ATP2B2: variants seen among roughly 807,000 people sequenced by gnomAD.
The protein encoded by ATP2B2 is ATPase plasma membrane Ca2+ transporting 2.
In ATP2B2, 15 loss-of-function variants were observed where a neutral mutation model predicts 120.0. The observed-to-expected ratio is 0.12, with a 90% confidence interval of 0.08 to 0.19. The LOEUF (loss-of-function observed/expected upper bound fraction) is 0.19. ATP2B2 is among the 10% of genes least tolerant of loss of function. ATP2B2 has a pLI of 1.00. For synonymous variants in ATP2B2, 694 were observed against 700.3 expected (o/e 0.99, Z 0.14); for missense variants, 1,045 against 1,719.8 (o/e 0.61, Z 6.94).
intron 2 of ATP2B2, among the ~76,000 whole-genome samples, chr3:10,548,364 C>T (rs2067595770): frequency 6.6e-6 from 1 of 152,242 alleles, no homozygotes; most frequent in African/African-American, 2.4e-5. Flanking sequence ...ATACCACACA[C>T]AGCATCTGCC....
intron 1 of ATP2B2, among the ~76,000 whole-genome samples, chr3:10,650,759 G>C (rs1355106200): frequency 6.6e-6 from 1 of 152,162 alleles, no homozygotes; most frequent in Non-Finnish European, 1.5e-5. Context: ...TAGGTACATT[G>C]ACAGCTTGCA....
intron 19 of ATP2B2, among the ~76,000 whole-genome samples, chr3:10,341,793 T>A (rs1379302027): frequency 6.6e-6 from 1 of 152,236 alleles, no homozygotes; most frequent in Non-Finnish European, 1.5e-5. Context: ...GAGTCTCTTC[T>A]AGTTCTGCAT....
rs2059863388 is a variant in ATP2B2, at chr3:10,326,690, C to T, written c.*2124G>A. The T allele has an allele frequency of 2.5e-6, 1 of 398,944 alleles. No individual in the cohort carries two copies. The highest frequency in any genetic ancestry group is 4.4e-6 in the Non-Finnish European group (1 of 226,070). 24.7% of individuals were successfully genotyped at this position (398,944 alleles called of 1,614,324 possible). ...CCCCTTTGGTTATGCAGTTCCTCTC[C>T]TGGATACATTCAGAGATACTTCTTC... On this transcript the variant is annotated 3_prime_UTR_variant, in exon 23 of 23. Coordinates refer to ENST00000360273, the MANE Select transcript of ATP2B2 (RefSeq NM_001001331.4).
At chr3:10,516,541 A>G (rs1174025886) in intron 3 of ATP2B2, among the ~76,000 whole-genome samples, 1 of 151,790 alleles carries the variant, frequency 6.6e-6, no homozygotes, top group African/African-American at 2.4e-5. Context: ...TTCTCATCCC[A>G]TTGTCCCCAT....
intron 1 of ATP2B2, among the ~76,000 whole-genome samples, chr3:10,689,308 C>T (rs866300056): frequency 1.3e-4 from 20 of 152,152 alleles, no homozygotes; most frequent in African/African-American, 4.3e-4. Flanking sequence ...CTTGCCTTTG[C>T]TGCTCTGGGG....
chr3:10,599,299 C>T (rs769500702), intron 2 of ATP2B2, among the ~76,000 whole-genome samples: 4 of 152,208 alleles, frequency 2.6e-5, no homozygotes, highest in Non-Finnish European at 5.9e-5. Context: ...CACTGCTTCT[C>T]GCCATTGGTT....
At chr3:10,447,652 C>T (rs1324203122) in intron 2 of ATP2B2, among the ~76,000 whole-genome samples, 3 of 152,214 alleles carry the variant, frequency 2.0e-5, no homozygotes, top group South Asian at 4.1e-4. Context: ...CTGCCAGCGT[C>T]CTCATGTGCC....
intron 22 of ATP2B2, among the ~76,000 whole-genome samples, chr3:10,332,702 G>C (rs2060013987): frequency 6.6e-6 from 1 of 152,168 alleles, no homozygotes; most frequent in African/African-American, 2.4e-5. Flanking sequence ...CTGGGAAGCG[G>C]TGTGACTAGT....
chr3:10,588,930 C>A (rs1008500306), intron 2 of ATP2B2, among the ~76,000 whole-genome samples: 1 of 152,186 alleles, frequency 6.6e-6, no homozygotes, highest in African/African-American at 2.4e-5. Context: ...GGCAGTGCTG[C>A]GTGAGCCTGT....
At chr3:10,510,623 C>T (rs1295336333) in intron 3 of ATP2B2, among the ~76,000 whole-genome samples, 1 of 152,258 alleles carries the variant, frequency 6.6e-6, no homozygotes, top group Non-Finnish European at 1.5e-5. Flanking sequence ...CTGACCCTGC[C>T]TCCCTTCTGC....
intron 1 of ATP2B2, among the ~76,000 whole-genome samples, chr3:10,677,544 T>A (rs1282220936): frequency 6.6e-6 from 1 of 152,118 alleles, no homozygotes; most frequent in Non-Finnish European, 1.5e-5. Flanking sequence ...CCTAATGCAA[T>A]AATGGGCATG....
chr3:10,389,627 T>C (rs991497346), intron 5 of ATP2B2, among the ~76,000 whole-genome samples: 1 of 152,148 alleles, frequency 6.6e-6, no homozygotes, highest in Non-Finnish European at 1.5e-5. Context: ...TAGTGTTTAA[T>C]GGGTGCAGAG....
At chr3:10,532,266 G>A (rs1367500774) in intron 3 of ATP2B2, among the ~76,000 whole-genome samples, 2 of 152,196 alleles carry the variant, frequency 1.3e-5, no homozygotes, top group African/African-American at 4.8e-5. Flanking sequence ...CACATGAGAG[G>A]TGAATAAAAG....
At chr3:10,539,638 T>C (rs532100873) in intron 2 of ATP2B2, among the ~76,000 whole-genome samples, 6 of 152,314 alleles carry the variant, frequency 3.9e-5, no homozygotes, top group African/African-American at 1.2e-4. Context: ...ATTTAATAAA[T>C]AGTGCTGGGA....
intron 2 of ATP2B2, among the ~76,000 whole-genome samples, chr3:10,594,417 G>A (rs2068713785): frequency 2.0e-5 from 3 of 152,076 alleles, no homozygotes; most frequent in African/African-American, 4.8e-5. Context: ...GTCCTTTGTA[G>A]GGACATGGAT....
intron 5 of ATP2B2, among the ~76,000 whole-genome samples, chr3:10,399,362 T>C (rs1425261062): frequency 6.6e-6 from 1 of 152,242 alleles, no homozygotes; most frequent in East Asian, 1.9e-4. Flanking sequence ...CTGGAATACT[T>C]TTTTCTTCTC....
chr3:10,530,286 A>G lies in ATP2B2; in HGVS notation c.-320+3753T>C, dbSNP rs576123864. On this transcript the variant is annotated intron_variant, in intron 3 of 21. Transcript: ENST00000646379. The stretch of plus-strand genomic sequence containing the variant: ...CTGGGCATATCCTATTTTCTCTTCC[A>G]TCGAATCCTTCCGACATCCTCAAAA... Among the ~76,000 whole-genome samples, 350 of 152,318 alleles carry G rather than the reference A, an allele frequency of 2.3e-3. 4 individuals are homozygous for G. Among genetic ancestry groups the G allele is most frequent in the African/African-American group, 7.7e-3 (320 of 41,556 alleles).
At chr3:10,569,904 G>T (rs759032266) in intron 2 of ATP2B2, among the ~76,000 whole-genome samples, 1 of 152,192 alleles carries the variant, frequency 6.6e-6, no homozygotes, top group Non-Finnish European at 1.5e-5. Flanking sequence ...TATTTGGCCA[G>T]AAGTCTTTAG....
intron 14 of ATP2B2, among the ~76,000 whole-genome samples, chr3:10,351,272 T>C (rs1011173231): frequency 4.2e-5 from 6 of 142,382 alleles, no homozygotes; most frequent in Non-Finnish European, 7.7e-5. Context: ...CAGCTGGCCC[T>C]GAGCAGAGCT....
Sources: allele counts gnomAD v4.1 joint callset (sites outside exome capture counted in the v4.1 genomes callset), GRCh38; gene constraint gnomAD v4.1.1; transcripts MANE v1.5; gene names NCBI Gene and HGNC (gene_info 2026-07-23, HGNC 2026-07-21).